TEAD4: variants seen among roughly 807,000 people sequenced by gnomAD.
The protein encoded by TEAD4 is transcriptional enhancer factor TEF-3.
A neutral mutation model predicts 52.4 loss-of-function variants in TEAD4; 36 were observed. The observed-to-expected ratio is 0.69, with a 90% CI of 0.53 to 0.91. The LOEUF is 0.91. Ranked by LOEUF, TEAD4 falls within the 40% of genes least tolerant of loss-of-function variation. TEAD4 has a pLI of 0.00. For synonymous variants in TEAD4, 220 were observed against 231.0 expected (o/e 0.95, Z 0.43); for missense variants, 508 against 583.9 (o/e 0.87, Z 1.34).
At chr12:2,976,433 C>CGAACCTGTGGCAGCTTT (rs1394443647) in intron 2 of TEAD4, among the ~76,000 whole-genome samples, 3 of 152,144 alleles carry the variant, frequency 2.0e-5, no homozygotes, top group African/African-American at 7.2e-5. Flanking sequence ...AGAGGCACCA[C>CGAACCTGTGGCAGCTTT]GAACCTGTGG....
At chr12:3,037,215 G>A (rs964194313) in intron 10 of TEAD4, among the ~76,000 whole-genome samples, 1 of 152,190 alleles carries the variant, frequency 6.6e-6, no homozygotes, top group African/African-American at 2.4e-5. Flanking sequence ...CAAGACTCCT[G>A]TCCCTTGTGG....
At chr12:3,037,009 T>C (rs962180076) in intron 10 of TEAD4, among the ~76,000 whole-genome samples, 1 of 152,078 alleles carries the variant, frequency 6.6e-6, no homozygotes, top group Admixed American at 6.5e-5. Flanking sequence ...TGGTTTTGGG[T>C]GTGAGATCAG....
At chr12:2,982,573 C>T (rs1296086851) in intron 2 of TEAD4, among the ~76,000 whole-genome samples, 10 of 152,166 alleles carry the variant, frequency 6.6e-5, no homozygotes, top group Non-Finnish European at 1.5e-5. Context: ...CAGGGCAGGG[C>T]GGTGCGTGGG....
intron 3 of TEAD4, among the ~76,000 whole-genome samples, chr12:2,997,410 T>C (rs1313990936): frequency 6.6e-6 from 1 of 151,842 alleles, no homozygotes; most frequent in Non-Finnish European, 1.5e-5. Flanking sequence ...CCTGGTGTGG[T>C]GTTCGGTGCT....
chr12:3,018,645 A>G, intron 7 of TEAD4, 57 bp downstream of exon 7: 4 of 1,609,230 alleles, frequency 2.5e-6, no homozygotes, highest in South Asian at 2.2e-5. Flanking sequence ...ACTTGAACCC[A>G]TAAACTCATG....
In TEAD4 at chr12:3,017,160, T is replaced by C. The variant is rs2098265194; in HGVS notation, c.355-238T>C. On this transcript the variant is annotated intron_variant, in intron 5 of 12. Transcript: ENST00000359864. ...TGACAGATAATGTCTCTGTAAGCTC[T>C]GATGAAAGAAGCAGGGCAAGTATCA... 3 of 672,064 alleles carry C rather than the reference T, an allele frequency of 4.5e-6. No homozygotes were observed. In the East Asian group the frequency reaches 8.6e-5, roughly 19 times the overall value. 41.6% of individuals were successfully genotyped at this position (672,064 alleles called of 1,614,324 possible). A position where few individuals can be genotyped will look rare whatever the true frequency, so the allele number is the denominator to read the frequency against.
At chr12:2,973,505 TGA>T (rs2098226945) in intron 2 of TEAD4, among the ~76,000 whole-genome samples, 1 of 151,952 alleles carries the variant, frequency 6.6e-6, no homozygotes, top group Non-Finnish European at 1.5e-5. Context: ...GAAAGTGAGG[TGA>T]GAGTTTGGTG....
chr12:2,995,675 G>A (rs952838910), intron 3 of TEAD4, among the ~76,000 whole-genome samples: 19 of 152,088 alleles, frequency 1.2e-4, no homozygotes, highest in African/African-American at 4.1e-4. Flanking sequence ...ATGGGGCCAC[G>A]ATGACTTTTG....
chr12:2,998,247 A>G (rs4247304), intron 3 of TEAD4, among the ~76,000 whole-genome samples: 9,482 of 152,226 alleles, frequency 0.062, 686 homozygotes, highest in Admixed American at 0.19. Flanking sequence ...ATCTGCCGAC[A>G]GACATTTGGG....
At chr12:2,985,032 A>T (rs1331067501) in intron 2 of TEAD4, among the ~76,000 whole-genome samples, 1 of 152,250 alleles carries the variant, frequency 6.6e-6, no homozygotes, top group Non-Finnish European at 1.5e-5. Flanking sequence ...TCAAGAATAT[A>T]TTAACTTGGC....
At chr12:2,989,651 GC>G (rs1286137676) in intron 2 of TEAD4, among the ~76,000 whole-genome samples, 1 of 152,056 alleles carries the variant, frequency 6.6e-6, no homozygotes, top group African/African-American at 2.4e-5. Flanking sequence ...TGTTGCCCAG[GC>G]TGGTCTCAAA....
intron 2 of TEAD4, among the ~76,000 whole-genome samples, chr12:2,986,142 G>T (rs577084529): frequency 1.3e-5 from 2 of 152,116 alleles, no homozygotes; most frequent in African/African-American, 4.8e-5. Context: ...CACACATTAG[G>T]CCTGCACAGC....
rs757480272 is a variant in TEAD4, at chr12:3,040,482, A to T, written c.*4A>T. 2.5e-6 allele frequency: 4 copies of T among 1,612,666 alleles called. No homozygotes were observed. The highest frequency in any genetic ancestry group is 3.4e-6 in the Non-Finnish European group (4 of 1,179,144). ...CTACAGGCTGGTGAAAGAATGAGAG[A>T]CTCGGGGAGCAGGGAGGGGGGAAGA... On this transcript the variant is annotated 3_prime_UTR_variant, in exon 13 of 13. Transcript: ENST00000359864.
intron 3 of TEAD4, among the ~76,000 whole-genome samples, chr12:3,009,191 G>T (rs1424051659): frequency 6.6e-6 from 1 of 152,356 alleles, no homozygotes; most frequent in South Asian, 2.1e-4. Context: ...ACTTTGGGAG[G>T]CTGATGCGGG....
At chr12:2,965,239 C>T (rs1249304975) in intron 2 of TEAD4, among the ~76,000 whole-genome samples, 1 of 152,148 alleles carries the variant, frequency 6.6e-6, no homozygotes, top group Non-Finnish European at 1.5e-5. Context: ...TCATGGCTCA[C>T]TCCTTGAACT....
intron 2 of TEAD4, among the ~76,000 whole-genome samples, chr12:2,972,813 T>C (rs1404378848): frequency 6.6e-6 from 1 of 152,138 alleles, no homozygotes; most frequent in East Asian, 1.9e-4. Flanking sequence ...AAACATCTCA[T>C]CCTATAAAAT....
chr12:2,961,200 G>T (rs989310487), intron 2 of TEAD4, among the ~76,000 whole-genome samples: 1 of 152,086 alleles, frequency 6.6e-6, no homozygotes, highest in African/African-American at 2.4e-5. Flanking sequence ...AAACAGGGAG[G>T]TATACCAGCC....
At chr12:2,975,356 C>CATTATTATT (rs58872768) in intron 2 of TEAD4, among the ~76,000 whole-genome samples, 2 of 148,150 alleles carry the variant, frequency 1.3e-5, no homozygotes, top group African/African-American at 5.1e-5. Flanking sequence ...AATATCGGCA[C>CATTATTATT]ATTATTATTA....
chr12:3,004,194 C>T (rs907949935), intron 3 of TEAD4, among the ~76,000 whole-genome samples: 30 of 152,148 alleles, frequency 2.0e-4, no homozygotes, highest in African/African-American at 7.2e-4. Context: ...ACTTAGGAAT[C>T]GGGGGGATTG....
Sources: gnomAD v4.1 joint callset for allele counts (sites outside exome capture counted in the v4.1 genomes callset) on GRCh38, gnomAD v4.1.1 for gene constraint, MANE v1.5 for transcripts, NCBI Gene and HGNC (gene_info 2026-07-23, HGNC 2026-07-21) for gene names.